SMG5: variants seen among roughly 807,000 people sequenced by gnomAD.
The protein encoded by SMG5 is nonsense-mediated mRNA decay factor SMG5.
In SMG5, 53 loss-of-function variants were observed where a neutral mutation model predicts 122.9. The observed-to-expected ratio is 0.43, with a 90% CI of 0.35 to 0.54. SMG5 has a LOEUF of 0.54. Ranked by LOEUF, SMG5 falls within the 20% of genes least tolerant of loss-of-function variation. The probability of loss-of-function intolerance (pLI) is 0.01; values close to 1 mark genes in which losing one functional copy is unlikely to be tolerated. For missense variants in SMG5, 1,153 were observed against 1,285.6 expected (o/e 0.90, Z 1.58); for synonymous variants, 477 against 490.2 (o/e 0.97, Z 0.35).
rs1198831431 is a variant in SMG5, at chr1:156,259,119, G to A, written c.2328C>T (p.Ile776=). The change falls in exon 16 of 22, where the codon ATC becomes ATT. Residue 776 remains isoleucine (I), a synonymous_variant. Transcript: ENST00000361813. ...ICCIRSFGHF[I]ARLQGSILQF... ...GCAGGATGCTGCCTTGCAGGCGGGC[G>A]ATGAAATGACCAAAGCTGCGGATGC... 7 of 1,606,774 alleles carry A rather than the reference G, an allele frequency of 4.4e-6. No individual in the cohort carries two copies. Among genetic ancestry groups the A allele is most frequent in the African/African-American group, 1.3e-5 (1 of 74,650 alleles).
Position 156,267,672 on chromosome 1 carries a change from C to T in SMG5, c.915G>A (p.Val305=). The part of the protein sequence containing the change: ...QSLLQPKSSS[V]DSELTSLCQS... ...GGCAAAGTGAGGTCAGCTCTGAGTC[C>T]ACGGAGCTACAGAGGGGCAGGAGTA... The change falls in exon 10 of 22, where the codon GTG becomes GTA. Residue 305 remains valine, a synonymous_variant. Coordinates refer to ENST00000361813, the MANE Select transcript of SMG5 (RefSeq NM_015327.3). 1 of 1,607,774 alleles carries T rather than the reference C, an allele frequency of 6.2e-7. No homozygotes were observed. Among genetic ancestry groups the T allele is most frequent in the East Asian group, 2.2e-5 (1 of 44,720 alleles).
chr1:156,269,043 T>C (rs1387690982), intron 7 of SMG5, among the ~76,000 whole-genome samples: 1 of 151,658 alleles, frequency 6.6e-6, no homozygotes, highest in African/African-American at 2.4e-5. Flanking sequence ...CAATCTCAGC[T>C]CACTGCAACA....
At chr1:156,277,803 T>A (rs979095843) in intron 3 of SMG5, 122 bp downstream of exon 3, 10 of 1,322,070 alleles carry the variant, frequency 7.6e-6, no homozygotes, top group Non-Finnish European at 1.1e-5. Context: ...TGAGCCACCG[T>A]GCCCAGCCTC....
chr1:156,258,860 TCCCTCCCAGCCTC>T (rs1661689967), intron 16 of SMG5, 132 bp downstream of exon 16: 1 of 954,796 alleles, frequency 1.0e-6, no homozygotes, highest in Non-Finnish European at 1.5e-6. Context: ...TTCCCAGGCC[TCCCTCCCAGCCTC>T]CCCTCCCCTC....
intron 7 of SMG5, among the ~76,000 whole-genome samples, chr1:156,270,324 G>A (rs1451356859): frequency 6.6e-6 from 1 of 152,150 alleles, no homozygotes; most frequent in Non-Finnish European, 1.5e-5. Flanking sequence ...ATTGTTCACT[G>A]TTGGAGCCTT....
At chr1:156,277,476 T>G (rs1401378342) in intron 3 of SMG5, among the ~76,000 whole-genome samples, 1 of 151,836 alleles carries the variant, frequency 6.6e-6, no homozygotes, top group Non-Finnish European at 1.5e-5. Context: ...TAATCCTAAT[T>G]ACATCTGACT....
At chr1:156,267,371 T>G (rs1327311459) in intron 10 of SMG5, 99 bp downstream of exon 10, 5 of 1,234,148 alleles carry the variant, frequency 4.1e-6, no homozygotes, top group Non-Finnish European at 5.8e-6. Flanking sequence ...GTGAAGAGGC[T>G]GCTTGTGGAA....
chr1:156,255,769 G>GATGC (rs1263551474), intron 16 of SMG5, among the ~76,000 whole-genome samples: 1 of 151,720 alleles, frequency 6.6e-6, no homozygotes, highest in Non-Finnish European at 1.5e-5. Context: ...CAAGCTTGGT[G>GATGC]ATGCATGCCT....
chr1:156,251,250 C>T (rs144827881), intron 20 of SMG5, 153 bp downstream of exon 20: 6 of 988,952 alleles, frequency 6.1e-6, no homozygotes, highest in Admixed American at 3.8e-5. Context: ...GCGGCAACTT[C>T]GTACTCCTCG....
At chr1:156,252,047 G>C (rs1345878696) in intron 19 of SMG5, among the ~76,000 whole-genome samples, 1 of 152,162 alleles carries the variant, frequency 6.6e-6, no homozygotes, top group Non-Finnish European at 1.5e-5. Flanking sequence ...TGAGAAACCT[G>C]ATCACCTGTC....
upstream of SMG5, chr1:156,286,323 G>A (rs771118509): frequency 3.7e-6 from 6 of 1,614,206 alleles, no homozygotes; most frequent in East Asian, 2.2e-5. Context: ...GGGGAGCCAC[G>A]GCGGGAGGTG....
chr1:156,256,281 C>T (rs1418814603), intron 16 of SMG5, among the ~76,000 whole-genome samples: 1 of 150,228 alleles, frequency 6.7e-6, no homozygotes, highest in Non-Finnish European at 1.5e-5. Context: ...AAGCAGAAGG[C>T]CAGAGCCTAG....
At chr1:156,286,353 TG>T, upstream of SMG5, 6 of 1,614,208 alleles carry the variant, frequency 3.7e-6, no homozygotes, top group Non-Finnish European at 4.2e-6. Flanking sequence ...CGGCGATATG[TG>T]GCCCAGTCGG....
At chr1:156,279,420 G>C (rs1017975582) in intron 1 of SMG5, among the ~76,000 whole-genome samples, 56 of 152,142 alleles carry the variant, frequency 3.7e-4, no homozygotes, top group Non-Finnish European at 4.9e-4. Context: ...CTGTGATATG[G>C]TAAGGCCGAC....
In SMG5 at chr1:156,278,044, G is replaced by T. The variant is rs1051211948; in HGVS notation, c.178C>A (p.Arg60Ser). 1.2e-6 allele frequency: 2 copies of T among 1,613,816 alleles called. No homozygotes were observed. The highest frequency in any genetic ancestry group is 2.2e-5 in the East Asian group (1 of 44,870). ...AACATAAGCTTGACGCAGAGCTCAC[G>T]CAGCCTGGAGGGTGTAGAGGAGCAT... ...PENISLRNKL[R>S]ELCVKLMFLH... Residue 60 changes from arginine (R) to serine (S), a missense_variant, in exon 3 of 22, where the codon CGT becomes AGT. Arg to Ser is a moderately radical substitution (Grantham distance 110, BLOSUM62 -1). This residue lies in a region of SMG5 where 213 missense variants were observed against 197.5 expected (regional missense o/e 1.08). Coordinates refer to ENST00000361813, the MANE Select transcript of SMG5 (RefSeq NM_015327.3).
intron 14 of SMG5, among the ~76,000 whole-genome samples, chr1:156,260,971 G>C (rs1342461319): frequency 6.6e-6 from 1 of 152,150 alleles, no homozygotes; most frequent in Non-Finnish European, 1.5e-5. Context: ...TTTCCAGCTG[G>C]AAGGTGGTAG....
chr1:156,266,493 T>C (rs771783891), intron 11 of SMG5, 48 bp downstream of exon 11: 3 of 1,612,916 alleles, frequency 1.9e-6, no homozygotes, highest in East Asian at 2.2e-5. Context: ...TTCATCCCCA[T>C]GCCCCACACC....
Position 156,265,874 on chromosome 1 carries a change from T to C in SMG5, c.1762A>G (p.Ser588Gly), listed in dbSNP as rs1281314329. The change falls in exon 12 of 22, where the codon AGC becomes GGC. Residue 588 changes from serine (S) to glycine (G), a missense_variant. Around this residue, in one of 5 missense-constraint regions of SMG5, gnomAD observed 631 missense variants for 650.6 expected, o/e 0.97. Transcript: ENST00000361813. The stretch of plus-strand genomic sequence containing the variant: ...GTGGTGGGCTGGAGGAGCAGGTTGC[T>C]AAAGGTGGGGGCCAGTCGGAAGCAG... ...KRCFRLAPTFSNLLLQPTTNP... is the reference protein window; with the variant it reads ...KRCFRLAPTFGNLLLQPTTNP... 3.7e-6 allele frequency: 6 copies of C among 1,613,996 alleles called. No homozygotes were observed. The African/African-American group carries it at 8.0e-5, about 22-fold the overall frequency.
At chr1:156,261,306 G>A (rs769804204) in intron 14 of SMG5, 27 bp downstream of exon 14, 8 of 1,607,428 alleles carry the variant, frequency 5.0e-6, no homozygotes, top group Non-Finnish European at 6.8e-6. Context: ...AGCAAAGAAA[G>A]GAGGGTAGTG....
Sources: allele counts gnomAD v4.1 joint callset (sites outside exome capture counted in the v4.1 genomes callset), GRCh38; gene constraint gnomAD v4.1.1; regional missense constraint gnomAD v4.1.1; transcripts MANE v1.5; gene names NCBI Gene and HGNC (gene_info 2026-07-23, HGNC 2026-07-21).